The following SH2D4A variants were observed in gnomAD, a reference collection of about 807,000 sequenced individuals.
SH2D4A encodes the protein SH2 domain-containing protein 4A.
In SH2D4A, 70 loss-of-function variants were observed where a neutral mutation model predicts 64.7. That is an observed-to-expected ratio of 1.08 (90% CI 0.89 to 1.32). The LOEUF is 1.32. Ranked by LOEUF, SH2D4A falls within the 40% of genes most tolerant of loss-of-function variation. The probability of loss-of-function intolerance (pLI) is 0.00; values close to 1 mark genes in which losing one functional copy is unlikely to be tolerated. For missense variants in SH2D4A, 706 were observed against 540.1 expected (o/e 1.31, Z -3.04); for synonymous variants, 268 against 200.7 (o/e 1.34, Z -2.83).
At chr8:19,365,942 A>G (rs1490053160) in intron 7 of SH2D4A, among the ~76,000 whole-genome samples, 3 of 152,196 alleles carry the variant, frequency 2.0e-5, no homozygotes, top group Admixed American at 6.5e-5. Flanking sequence ...AGGGAAGTAA[A>G]TATTATAGGA....
intron 4 of SH2D4A, among the ~76,000 whole-genome samples, chr8:19,354,655 T>C (rs1332324796): frequency 6.6e-6 from 1 of 152,226 alleles, no homozygotes; most frequent in Non-Finnish European, 1.5e-5. Context: ...TAAAAATACC[T>C]GGTTCATGTG....
rs537809186 is a variant in SH2D4A at position 19,332,272 on chromosome 8, G to C, written c.182-683G>C. ...TAAGAATTTATGGTGTGAAGTGCTA[G>C]CTCTGTTACCCTAAAGGATAATGCA... On this transcript the variant is annotated intron_variant, in intron 2 of 9. Coordinates refer to ENST00000265807, the MANE Select transcript of SH2D4A (RefSeq NM_022071.4). Among the ~76,000 whole-genome samples, 6 of 152,238 alleles carry C rather than the reference G, an allele frequency of 3.9e-5. No homozygotes were observed. In the South Asian group the frequency reaches 1.2e-3, roughly 32 times the overall value.
At chr8:19,385,559 G>T (rs986694583) in intron 8 of SH2D4A, among the ~76,000 whole-genome samples, 1 of 152,036 alleles carries the variant, frequency 6.6e-6, no homozygotes, top group African/African-American at 2.4e-5. Flanking sequence ...CTCTTCAGAG[G>T]GTCACTCTGA....
At chr8:19,359,811 A>G (rs766169216) in intron 5 of SH2D4A, among the ~76,000 whole-genome samples, 20 of 152,250 alleles carry the variant, frequency 1.3e-4, no homozygotes, top group Non-Finnish European at 2.1e-4. Context: ...GCGATCAGAA[A>G]CAAGTTTCAC....
At chr8:19,324,921 T>C (rs902665526) in intron 2 of SH2D4A, among the ~76,000 whole-genome samples, 2 of 152,146 alleles carry the variant, frequency 1.3e-5, no homozygotes, top group African/African-American at 4.8e-5. Context: ...TTATAACCTT[T>C]AAACGTGAAA....
At chr8:19,373,139 GC>G (rs747822947) in intron 7 of SH2D4A, among the ~76,000 whole-genome samples, 1 of 151,950 alleles carries the variant, frequency 6.6e-6, no homozygotes, top group Non-Finnish European at 1.5e-5. Flanking sequence ...CACAGCAGTG[GC>G]TCATTTCTAT....
intron 8 of SH2D4A, among the ~76,000 whole-genome samples, chr8:19,391,848 T>C (rs901125780): frequency 6.6e-6 from 1 of 152,240 alleles, no homozygotes; most frequent in Non-Finnish European, 1.5e-5. Flanking sequence ...GCCCCTTGCC[T>C]TTTCCTGAGG....
chr8:19,392,733 C>CTT (rs543187473), intron 8 of SH2D4A, among the ~76,000 whole-genome samples: 3 of 147,888 alleles, frequency 2.0e-5, no homozygotes, highest in African/African-American at 5.0e-5. Context: ...AAATATATTC[C>CTT]TTTTTTTTTT....
chr8:19,325,567 T>C (rs1172224619), intron 2 of SH2D4A, among the ~76,000 whole-genome samples: 1 of 152,184 alleles, frequency 6.6e-6, no homozygotes, highest in African/African-American at 2.4e-5. Flanking sequence ...ACATCTTTTT[T>C]GGGTAACACT....
intron 8 of SH2D4A, among the ~76,000 whole-genome samples, chr8:19,384,673 A>T (rs1024873769): frequency 4.6e-5 from 7 of 152,202 alleles, no homozygotes; most frequent in African/African-American, 1.4e-4. Context: ...GCTTCAGATT[A>T]TGAGTCTCCA....
intron 8 of SH2D4A, among the ~76,000 whole-genome samples, chr8:19,381,106 G>C (rs1002470408): frequency 3.3e-5 from 5 of 151,694 alleles, no homozygotes; most frequent in Non-Finnish European, 7.4e-5. Flanking sequence ...CTGAAGTGCA[G>C]TGGTATGATC....
At chr8:19,360,613 TA>T (rs1430738608) in intron 5 of SH2D4A, among the ~76,000 whole-genome samples, 1 of 152,068 alleles carries the variant, frequency 6.6e-6, no homozygotes, top group Non-Finnish European at 1.5e-5. Flanking sequence ...GGCTCCATCT[TA>T]AAAAAATAAT....
At chr8:19,330,372 C>T (rs1460711984) in intron 2 of SH2D4A, among the ~76,000 whole-genome samples, 1 of 152,206 alleles carries the variant, frequency 6.6e-6, no homozygotes, top group East Asian at 1.9e-4. Flanking sequence ...GTCAGTGCCA[C>T]TCTGTCAAGA....
intron 7 of SH2D4A, among the ~76,000 whole-genome samples, chr8:19,369,844 C>A (rs1401282298): frequency 6.6e-6 from 1 of 151,890 alleles, no homozygotes; most frequent in East Asian, 1.9e-4. Flanking sequence ...TGTTATATTT[C>A]CTTCAACTAA....
chr8:19,315,770 A>C (rs1362816944), intron 1 of SH2D4A, among the ~76,000 whole-genome samples: 1 of 152,224 alleles, frequency 6.6e-6, no homozygotes, highest in Non-Finnish European at 1.5e-5. Flanking sequence ...CAGTATCAGC[A>C]ATGATTACTT....
At chr8:19,356,902 A>G (rs2052800312) in intron 4 of SH2D4A, among the ~76,000 whole-genome samples, 2 of 152,260 alleles carry the variant, frequency 1.3e-5, no homozygotes, top group African/African-American at 2.4e-5. Flanking sequence ...TGATGGCTGG[A>G]AGTTATCCCC....
chr8:19,386,213 C>G (rs2053389161), intron 8 of SH2D4A, among the ~76,000 whole-genome samples: 2 of 152,148 alleles, frequency 1.3e-5, no homozygotes, highest in African/African-American at 4.8e-5. Context: ...CCATGGTCCC[C>G]CTATAAAATT....
At chr8:19,316,823 C>T (rs1181058191) in intron 1 of SH2D4A, among the ~76,000 whole-genome samples, 1 of 152,200 alleles carries the variant, frequency 6.6e-6, no homozygotes, top group African/African-American at 2.4e-5. Context: ...AGCTGCTGAC[C>T]TGTGCTCTAT....
intron 8 of SH2D4A, 92 bp from the exon 9 acceptor site, chr8:19,393,226 C>T (rs1010135676): frequency 1.7e-6 from 2 of 1,168,900 alleles, no homozygotes; most frequent in African/African-American, 1.5e-5. Flanking sequence ...ATTTAGGCGT[C>T]ATTGACTCTA....
Sources: allele counts gnomAD v4.1 joint callset (sites outside exome capture counted in the v4.1 genomes callset), GRCh38; gene constraint gnomAD v4.1.1; transcripts MANE v1.5; gene names NCBI Gene and HGNC (gene_info 2026-07-23, HGNC 2026-07-21).